The following EGLN1 variants were observed in gnomAD, a reference collection of about 807,000 sequenced individuals.
The protein encoded by EGLN1 is egl-9 family hypoxia inducible factor 1.
A neutral mutation model predicts 38.3 loss-of-function variants in EGLN1; 17 were observed. The ratio of observed to expected loss-of-function variants is 0.44; its 90% CI spans 0.30 to 0.67. The LOEUF is 0.67. Among genes scored for constraint, EGLN1 ranks in the 30% least tolerant of loss-of-function variants. EGLN1 has a pLI of 0.08. For missense variants in EGLN1, 477 were observed against 603.3 expected, an observed-to-expected ratio of 0.79 and a Z score of 2.19; for synonymous variants, 283 against 257.5, an observed-to-expected ratio of 1.10 and a Z score of -0.95.
intron 1 of EGLN1, among the ~76,000 whole-genome samples, chr1:231,377,252 G>A (rs1301035366): frequency 6.6e-6 from 1 of 152,188 alleles, no homozygotes; most frequent in Non-Finnish European, 1.5e-5. Context: ...CTAAACTGAG[G>A]TTTAGAAAGG....
At chr1:231,393,728 A>C (rs1688449819) in intron 1 of EGLN1, among the ~76,000 whole-genome samples, 1 of 152,088 alleles carries the variant, frequency 6.6e-6, no homozygotes, top group South Asian at 2.1e-4. Context: ...AACATTTCCA[A>C]ATCTCATCCT....
chr1:231,385,286 T>C (rs995480395), intron 1 of EGLN1, among the ~76,000 whole-genome samples: 5 of 152,138 alleles, frequency 3.3e-5, no homozygotes, highest in African/African-American at 7.2e-5. Flanking sequence ...AGTTAGGGTA[T>C]GTGTAAGGCA....
At chr1:231,407,752 C>T (rs557223084) in intron 1 of EGLN1, among the ~76,000 whole-genome samples, 3 of 152,160 alleles carry the variant, frequency 2.0e-5, no homozygotes, top group Non-Finnish European at 2.9e-5. Flanking sequence ...CTTCATTTCA[C>T]CTTTAGAGCA....
At chr1:231,392,366 A>T (rs2998427) in intron 1 of EGLN1, among the ~76,000 whole-genome samples, 2 of 152,018 alleles carry the variant, frequency 1.3e-5, no homozygotes, top group African/African-American at 2.4e-5. Flanking sequence ...AATTTTAAAA[A>T]TTTTCCACTA....
intron 1 of EGLN1, among the ~76,000 whole-genome samples, chr1:231,380,622 T>TTAGG (rs929201389): frequency 6.6e-6 from 1 of 152,210 alleles, no homozygotes; most frequent in Non-Finnish European, 1.5e-5. Flanking sequence ...AGTGAAATTA[T>TTAGG]TAGGTCTTAA....
intron 1 of EGLN1, among the ~76,000 whole-genome samples, chr1:231,398,769 G>A (rs75472273): frequency 0.012 from 1,770 of 152,158 alleles, 17 homozygotes; most frequent in Non-Finnish European, 0.017. Context: ...ATACACACAC[G>A]ATAAAGTGAG....
intron 1 of EGLN1, chr1:231,420,258 AAC>A (rs1656529735): frequency 6.6e-6 from 1 of 152,248 alleles, no homozygotes; most frequent in Non-Finnish European, 1.5e-5. Flanking sequence ...GAAGTTACAA[AAC>A]AGTTTTCAAC....
In EGLN1 at chr1:231,421,943, G is replaced by A. The variant is rs1656645347; in HGVS notation, c.-55C>T. ...CGGCGGCCGAGCAGGAGGGGTAGCG[G>A]CCGGACGGCCTCGCCCGAGGCTGGG... On this transcript the variant is annotated 5_prime_UTR_variant, in exon 1 of 5. Transcript: ENST00000366641. The surrounding 1 kb of genome is among the most constrained non-coding windows in gnomAD (Gnocchi z 5.5). The A allele has an allele frequency of 6.0e-6, 8 of 1,341,334 alleles. No homozygotes were observed. Among genetic ancestry groups the A allele is most frequent in the South Asian group, 3.9e-5 (2 of 51,336 alleles). 83.1% of individuals were successfully genotyped at this position (1,341,334 alleles called of 1,614,324 possible).
intron 1 of EGLN1, among the ~76,000 whole-genome samples, chr1:231,376,360 C>A (rs1429850379): frequency 6.6e-6 from 1 of 152,146 alleles, no homozygotes; most frequent in Non-Finnish European, 1.5e-5. Context: ...ATTTAGTAGC[C>A]TTCTAGGTCA....
chr1:231,401,988 T>A (rs1369859579), intron 1 of EGLN1, among the ~76,000 whole-genome samples: 1 of 152,218 alleles, frequency 6.6e-6, no homozygotes, highest in African/African-American at 2.4e-5. Flanking sequence ...ATCATCAATA[T>A]ATTTAATTTT....
chr1:231,403,103 T>C (rs1217445402), intron 1 of EGLN1, among the ~76,000 whole-genome samples: 1 of 152,192 alleles, frequency 6.6e-6, no homozygotes, highest in Non-Finnish European at 1.5e-5. Flanking sequence ...GGTTAGAGAA[T>C]ATACTCTGTA....
At chr1:231,404,920 C>G (rs767517906) in intron 1 of EGLN1, among the ~76,000 whole-genome samples, 24 of 152,128 alleles carry the variant, frequency 1.6e-4, no homozygotes, top group Non-Finnish European at 3.2e-4. Context: ...ATGCCCTTAT[C>G]AACTGAACAC....
intron 2 of EGLN1, among the ~76,000 whole-genome samples, chr1:231,373,112 A>C (rs1401058761): frequency 2.6e-5 from 4 of 152,320 alleles, no homozygotes; most frequent in African/African-American, 9.6e-5. Flanking sequence ...ACTCAGGCTA[A>C]TATTAAGGAA....
rs1656575909 is a variant in EGLN1 at position 231,421,106 on chromosome 1, G to T, written c.783C>A (p.Gly261=). The change falls in exon 1 of 5, where the codon GGC becomes GGA. Residue 261 remains glycine (G), a synonymous_variant. Coordinates refer to ENST00000366641, the MANE Select transcript of EGLN1 (RefSeq NM_022051.3). This position sits in a 1 kb window ranked among gnomAD's most constrained non-coding sequence, Gnocchi z 5.5. ...IRGDKITWIE[G]KEPGCETIGL... The stretch of plus-strand genomic sequence containing the variant: ...CAATGGTTTCGCAGCCGGGCTCCTT[G>T]CCCTCGATCCAGGTGATCTTATCGC... The T allele has an allele frequency of 6.2e-7, 1 of 1,614,166 alleles. No homozygotes were observed. The highest frequency in any genetic ancestry group is 8.5e-7 in the Non-Finnish European group (1 of 1,180,020).
At position 231,421,297 on chromosome 1, in the gene EGLN1, T is replaced by C; in HGVS notation, c.592A>G (p.Ile198Val). The C allele has an allele frequency of 6.2e-7, 1 of 1,613,260 alleles. No homozygotes were observed. The highest frequency in any genetic ancestry group is 1.1e-5 in the South Asian group (1 of 91,076). The change falls in exon 1 of 5, where the codon ATC (isoleucine) becomes GTC (valine). Residue 198 changes from isoleucine (I) to valine (V), a missense_variant. Physicochemically the swap from Ile to Val is conservative, Grantham distance 29. Coordinates refer to ENST00000366641, the MANE Select transcript of EGLN1 (RefSeq NM_022051.3). The surrounding 1 kb of genome is among the most constrained non-coding windows in gnomAD (Gnocchi z 5.5). ...CCGTGCTTGTTCATGCACGGCACGA[T>C]GTACTCGAGCGCCAGCTTCAGCGCC... The part of the protein sequence containing the change: ...LPALKLALEY[I>V]VPCMNKHGIC...
At chr1:231,378,190 A>C (rs1688003246) in intron 1 of EGLN1, among the ~76,000 whole-genome samples, 1 of 152,134 alleles carries the variant, frequency 6.6e-6, no homozygotes, top group Non-Finnish European at 1.5e-5. Context: ...TGCCAATACC[A>C]GCCCCAGGAA....
chr1:231,415,295 A>G (rs1218375196), intron 1 of EGLN1, among the ~76,000 whole-genome samples: 1 of 151,944 alleles, frequency 6.6e-6, no homozygotes, highest in Non-Finnish European at 1.5e-5. Context: ...AAAAGCGTAA[A>G]ATATGCCAAA....
intron 4 of EGLN1, among the ~76,000 whole-genome samples, chr1:231,367,200 G>A (rs1036334204): frequency 8.5e-5 from 13 of 152,162 alleles, no homozygotes; most frequent in Admixed American, 1.3e-4. Context: ...ACTGTTTAGA[G>A]CACATCCATT....
At chr1:231,406,158 T>C (rs1260167678) in intron 1 of EGLN1, among the ~76,000 whole-genome samples, 1 of 63,238 alleles carries the variant, frequency 1.6e-5, no homozygotes, top group African/African-American at 5.6e-5. Flanking sequence ...CCAGAGAGAC[T>C]CCGTCTCAAA....
Sources: allele counts gnomAD v4.1 joint callset (sites outside exome capture counted in the v4.1 genomes callset), GRCh38; gene constraint gnomAD v4.1.1; non-coding constraint Gnocchi (gnomAD v3.1); transcripts MANE v1.5; gene names NCBI Gene and HGNC (gene_info 2026-07-23, HGNC 2026-07-21).